Variants in AADACL4 observed in about 807,000 individuals in gnomAD.
The protein encoded by AADACL4 is arylacetamide deacetylase-like 4.
In AADACL4, 9 loss-of-function variants were observed where a neutral mutation model predicts 14.1. The observed-to-expected ratio is 0.64, with a 90% CI of 0.39 to 1.12. The LOEUF (loss-of-function observed/expected upper bound fraction) is 1.12. Among genes scored for constraint, AADACL4 ranks in the 50% most tolerant of loss-of-function variants. AADACL4 has a pLI of 0.01. For missense variants in AADACL4, 531 were observed against 516.1 expected, an observed-to-expected ratio of 1.03 and a Z score of -0.28; for synonymous variants, 188 against 201.6, an observed-to-expected ratio of 0.93 and a Z score of 0.57.
intron 2 of AADACL4, among the ~76,000 whole-genome samples, chr1:12,657,242 T>C (rs182284856): frequency 1.3e-4 from 19 of 151,156 alleles, no homozygotes; most frequent in African/African-American, 4.4e-4. Context: ...TCAGGGTGAA[T>C]TGGGTTTTCC....
chr1:12,662,359 A>G (rs1647242012), intron 3 of AADACL4, among the ~76,000 whole-genome samples: 3 of 152,206 alleles, frequency 2.0e-5, no homozygotes, highest in Non-Finnish European at 2.9e-5. Flanking sequence ...AAGTTGGAGG[A>G]GAAGCAAAAT....
rs74546579 is a variant in AADACL4 at position 12,651,208 on chromosome 1, C to T, written c.254C>T (p.Pro85Leu). Residue 85 changes from proline to leucine, a missense_variant, in exon 2 of 4, where the codon CCT becomes CTT. Physicochemically the swap from Pro to Leu is moderately conservative, Grantham distance 98. Transcript: ENST00000376221. ...LHDSVRIKKD[P>L]ELVVTDLRFG... is the part of the protein sequence containing the mutation. ...GATAGCGTGAGAATTAAAAAGGACC[C>T]TGAACTTGTGGTGACCGACCTGCGT... 6.4e-5 allele frequency: 103 copies of T among 1,614,234 alleles called. No homozygotes were observed. The East Asian group carries it at 2.1e-3, about 34-fold the overall frequency.
intron 2 of AADACL4, among the ~76,000 whole-genome samples, chr1:12,654,849 C>T (rs1647171438): frequency 6.6e-6 from 1 of 151,296 alleles, no homozygotes; most frequent in South Asian, 2.1e-4. Flanking sequence ...CAAGACGGCC[C>T]TCTCCGGGGT....
chr1:12,647,090 ATT>A lies in AADACL4; in HGVS notation c.168+2394_168+2395del, dbSNP rs201579516. Among the ~76,000 whole-genome samples the A allele has an allele frequency of 6.8e-3, 872 of 128,742 alleles. 3 individuals carry two copies. The highest frequency in any genetic ancestry group is 0.013 in the African/African-American group (461 of 34,514). The allele number at this position is 128,742 out of a possible 152,430, so 84.5% of individuals were successfully genotyped here. On this transcript the variant is annotated intron_variant, in intron 1 of 3. Transcript: ENST00000376221. ...TTATTTTCTTCTCTGAAAAGTGAGG[ATT>A]TTTTTTTTTTTTTTTTTCTGAGACA...
In AADACL4 at chr1:12,653,681, T is replaced by A. The variant is rs77363194; in HGVS notation, c.385+2342T>A. The stretch of plus-strand genomic sequence containing the variant: ...TAAAACCTTGGCACACCCAGGAAAG[T>A]TCTAAGTTGCTGCTTTGTTTGTGGA... On this transcript the variant is annotated intron_variant, in intron 2 of 3. Transcript: ENST00000376221. 4.2e-3 allele frequency among the ~76,000 whole-genome samples: 632 copies of A among 152,272 alleles called. 2 individuals carry two copies. Among genetic ancestry groups the A allele is most frequent in the African/African-American group, 0.014 (574 of 41,550 alleles).
intron 3 of AADACL4, among the ~76,000 whole-genome samples, chr1:12,663,970 A>C (rs1161194075): frequency 6.6e-6 from 1 of 152,236 alleles, no homozygotes; most frequent in Admixed American, 6.5e-5. Context: ...ATTATGCTGC[A>C]ATCAATCAAA....
chr1:12,660,651 AT>A (rs558759180), intron 2 of AADACL4, among the ~76,000 whole-genome samples: 15 of 149,104 alleles, frequency 1.0e-4, no homozygotes, highest in East Asian at 2.0e-4. Context: ...AGGCATCAGC[AT>A]TTTTTTTTTG....
intron 2 of AADACL4, among the ~76,000 whole-genome samples, chr1:12,660,977 C>T (rs1647222224): frequency 6.6e-6 from 1 of 152,152 alleles, no homozygotes; most frequent in Non-Finnish European, 1.5e-5. Context: ...CAATGTGCAG[C>T]CAGGGCTGAG....
chr1:12,653,484 C>A (rs568617738), intron 2 of AADACL4, among the ~76,000 whole-genome samples: 1 of 152,134 alleles, frequency 6.6e-6, no homozygotes, highest in African/African-American at 2.4e-5. Context: ...AGCCGGATAG[C>A]CTGTTGGTAA....
chr1:12,653,758 C>T (rs911321843), intron 2 of AADACL4, among the ~76,000 whole-genome samples: 1 of 152,162 alleles, frequency 6.6e-6, no homozygotes, highest in African/African-American at 2.4e-5. Flanking sequence ...GGTCTGGTTC[C>T]CTGGGCTTAG....
At position 12,661,788 on chromosome 1, in the gene AADACL4, C is replaced by G. The variant is rs757023395; in HGVS notation, c.386-3C>G. On this transcript the variant is annotated splice_polypyrimidine_tract_variant and splice_region_variant and intron_variant, in intron 2 of 3. Transcript: ENST00000376221. ...TGCTGCTCTGAGTGTTTTTGTCTTG[C>G]AGATTGTTACCATGGCCTGTGCAAT... 3 of 1,614,038 alleles carry G rather than the reference C, an allele frequency of 1.9e-6. No individual in the cohort carries two copies. The highest frequency in any genetic ancestry group is 4.5e-5 in the East Asian group (2 of 44,876).
At chr1:12,663,795 T>C (rs762269194) in intron 3 of AADACL4, among the ~76,000 whole-genome samples, 2 of 152,150 alleles carry the variant, frequency 1.3e-5, no homozygotes, top group African/African-American at 2.4e-5. Context: ...TGCTACCAGG[T>C]GAAGGGGCCA....
At chr1:12,664,729 G>A (rs1647284574) in intron 3 of AADACL4, among the ~76,000 whole-genome samples, 1 of 152,192 alleles carries the variant, frequency 6.6e-6, no homozygotes, top group Admixed American at 6.5e-5. Flanking sequence ...ACATTTAAGA[G>A]AACAATTATT....
chr1:12,656,056 C>T (rs1647177766), intron 2 of AADACL4, among the ~76,000 whole-genome samples: 1 of 152,154 alleles, frequency 6.6e-6, no homozygotes, highest in Non-Finnish European at 1.5e-5. Context: ...TTCTTCTAAG[C>T]CCATCAAGTT....
chr1:12,655,241 T>C (rs922975104), intron 2 of AADACL4, among the ~76,000 whole-genome samples: 5 of 152,132 alleles, frequency 3.3e-5, no homozygotes, highest in African/African-American at 1.2e-4. Context: ...TGTGACACTG[T>C]AGTTTTTGGA....
chr1:12,652,470 C>T (rs1647154937), intron 2 of AADACL4, among the ~76,000 whole-genome samples: 1 of 152,172 alleles, frequency 6.6e-6, no homozygotes, highest in Non-Finnish European at 1.5e-5. Context: ...TCCCCAAAGG[C>T]CAGTGGCACC....
chr1:12,656,752 G>A (rs1337163598), intron 2 of AADACL4, among the ~76,000 whole-genome samples: 1 of 152,138 alleles, frequency 6.6e-6, no homozygotes, highest in African/African-American at 2.4e-5. Flanking sequence ...AAGTCATAGT[G>A]CTCCTTGGAA....
chr1:12,666,564 T>C lies in AADACL4; in HGVS notation c.1053T>C (p.Asp351=). Residue 351 remains aspartate (D), a synonymous_variant, in exon 4 of 4, where the codon GAT becomes GAC. Transcript: ENST00000376221. The part of the protein sequence containing the change: ...LVSCENDILR[D]DSLLYKKRLE... ...GCTGTGAGAATGACATACTCCGTGA[T>C]GACAGCTTGCTCTATAAGAAGCGCT... is the stretch of plus-strand genomic sequence containing the variant. 1.2e-6 allele frequency: 2 copies of C among 1,614,256 alleles called. No individual in the cohort carries two copies. The highest frequency in any genetic ancestry group is 1.7e-6 in the Non-Finnish European group (2 of 1,180,054).
chr1:12,659,017 G>A (rs960152268), intron 2 of AADACL4, among the ~76,000 whole-genome samples: 1 of 152,234 alleles, frequency 6.6e-6, no homozygotes, highest in Non-Finnish European at 1.5e-5. Context: ...GGGGGAATAA[G>A]TGGATGAAAG....
Sources: allele counts gnomAD v4.1 joint callset (sites outside exome capture counted in the v4.1 genomes callset), GRCh38; gene constraint gnomAD v4.1.1; transcripts MANE v1.5; gene names NCBI Gene and HGNC (gene_info 2026-07-23, HGNC 2026-07-21).